Variants in DMXL1 observed in about 807,000 individuals in gnomAD.
DMXL1 encodes the protein dmX-like protein 1.
Under a neutral mutation model 319.2 loss-of-function variants are expected in DMXL1, and 99 were observed. The ratio of observed to expected loss-of-function variants is 0.31; its 90% CI spans 0.26 to 0.37. The LOEUF (loss-of-function observed/expected upper bound fraction) is 0.37. Among genes scored for constraint, DMXL1 ranks in the 10% least tolerant of loss-of-function variants. The pLI, the probability that DMXL1 is intolerant of heterozygous loss-of-function variation, is 1.00. For missense variants in DMXL1, 3,745 were observed against 3,595.6 expected, an observed-to-expected ratio of 1.04 and a Z score of -1.06; for synonymous variants, 1,385 against 1,235.2, an observed-to-expected ratio of 1.12 and a Z score of -2.54.
chr5:119,112,885 G>A (rs1397717300), intron 5 of DMXL1, among the ~76,000 whole-genome samples: 1 of 150,632 alleles, frequency 6.6e-6, no homozygotes, highest in Non-Finnish European at 1.5e-5. Flanking sequence ...TGAACCCGGT[G>A]GTGGAGGTTA....
intron 1 of DMXL1, among the ~76,000 whole-genome samples, chr5:119,090,828 G>A (rs1054903183): frequency 2.6e-5 from 4 of 151,886 alleles, no homozygotes; most frequent in African/African-American, 9.7e-5. Context: ...GCCTCCCAAA[G>A]TGCTGGGATT....
intron 4 of DMXL1, among the ~76,000 whole-genome samples, chr5:119,107,893 A>G (rs1758707837): frequency 6.6e-6 from 1 of 152,170 alleles, no homozygotes. Flanking sequence ...CATATTATAT[A>G]GCTAATCCTT....
chr5:119,186,928 G>A (rs1392585055), intron 28 of DMXL1, among the ~76,000 whole-genome samples: 1 of 151,952 alleles, frequency 6.6e-6, no homozygotes, highest in South Asian at 2.1e-4. Context: ...CCTGTCGTGG[G>A]GTGGGGGGAT....
chr5:119,132,997 A>G (rs1580916697), intron 10 of DMXL1, 135 bp from the exon 11 acceptor site: 1 of 816,512 alleles, frequency 1.2e-6, no homozygotes. Context: ...GGTGTGGCGG[A>G]AGGGGTACAG....
At chr5:119,175,039 T>G (rs1775527542) in intron 25 of DMXL1, among the ~76,000 whole-genome samples, 1 of 152,212 alleles carries the variant, frequency 6.6e-6, no homozygotes, top group Non-Finnish European at 1.5e-5. Context: ...AATGTGTGTT[T>G]TATAATTTCT....
At chr5:119,112,730 G>T (rs1759923838) in intron 5 of DMXL1, among the ~76,000 whole-genome samples, 1 of 152,188 alleles carries the variant, frequency 6.6e-6, no homozygotes, top group Non-Finnish European at 1.5e-5. Context: ...GCCGAGGTGG[G>T]TGGATCACCT....
rs1009902865 is a variant in DMXL1 at position 119,205,635 on chromosome 5, A to T, written c.7864-1199A>T. ...GACACAATTAATGGTAGTTATTAAA[A>T]GTTTGTTGTTATTGCTTTGTTGTTT... is the stretch of plus-strand genomic sequence containing the variant. On this transcript the variant is annotated intron_variant, in intron 33 of 43. Coordinates refer to ENST00000539542, the MANE Select transcript of DMXL1 (RefSeq NM_001290321.3). Among the ~76,000 whole-genome samples, 94 of 151,992 alleles carry T rather than the reference A, an allele frequency of 6.2e-4. 7 individuals are homozygous for T. Among genetic ancestry groups the T allele is most frequent in the Non-Finnish European group, 1.5e-5 (1 of 67,912 alleles).
intron 35 of DMXL1, among the ~76,000 whole-genome samples, chr5:119,217,792 G>A (rs1244889708): frequency 6.6e-6 from 1 of 152,072 alleles, no homozygotes; most frequent in Admixed American, 6.5e-5. Flanking sequence ...TGATATACGG[G>A]GAAATTACCC....
At chr5:119,201,785 G>T (rs527512967) in intron 32 of DMXL1, among the ~76,000 whole-genome samples, 3 of 152,202 alleles carry the variant, frequency 2.0e-5, no homozygotes, top group Admixed American at 6.5e-5. Context: ...TTTCTTCCAG[G>T]TTCAGTCTTG....
chr5:119,110,977 C>T (rs938227836), intron 5 of DMXL1, among the ~76,000 whole-genome samples: 6 of 152,164 alleles, frequency 3.9e-5, no homozygotes, highest in East Asian at 1.9e-4. Context: ...TTAGTAGAGA[C>T]GGGGTTTCAC....
intron 22 of DMXL1, among the ~76,000 whole-genome samples, chr5:119,167,250 T>G (rs1773619990): frequency 6.6e-6 from 1 of 152,160 alleles, no homozygotes; most frequent in South Asian, 2.1e-4. Context: ...CCTTTTAATA[T>G]GGAGACTAAA....
chr5:119,075,092 G>C (rs1353935611), intron 1 of DMXL1, among the ~76,000 whole-genome samples: 2 of 152,194 alleles, frequency 1.3e-5, no homozygotes, highest in East Asian at 3.9e-4. Flanking sequence ...CCTAACAATA[G>C]AAAGTACTTC....
rs780451092 is a variant in DMXL1, at chr5:119,150,138, A to G, written c.4311A>G (p.Gln1437=). The change falls in exon 18 of 44, where the codon CAA becomes CAG. Residue 1437 remains glutamine, a synonymous_variant. Transcript: ENST00000539542. ...AGAGTACGTTAAGTAAATCAAACCA[A>G]TTATCTAAAGAAAGTTATGATGAGC... ...SNESTLSKSN[Q]LSKESYDELF... is the part of the protein sequence containing the mutation. 55 of 1,613,664 alleles carry G rather than the reference A, an allele frequency of 3.4e-5. No individual in the cohort carries two copies. The highest frequency in any genetic ancestry group is 1.7e-4 in the Admixed American group (10 of 59,942).
intron 19 of DMXL1, among the ~76,000 whole-genome samples, chr5:119,155,624 A>G (rs139324119): frequency 6.6e-6 from 1 of 152,256 alleles, no homozygotes; most frequent in East Asian, 1.9e-4. Context: ...GGATCGCTTA[A>G]GGCCAGGAGT....
At chr5:119,097,578 G>T (rs762545548) in intron 1 of DMXL1, among the ~76,000 whole-genome samples, 4 of 152,154 alleles carry the variant, frequency 2.6e-5, no homozygotes, top group Non-Finnish European at 5.9e-5. Context: ...CTAGCCGGGC[G>T]TGGTGGTGGG....
chr5:119,178,613 G>A, intron 28 of DMXL1: 7 of 985,336 alleles, frequency 7.1e-6, no homozygotes, highest in Non-Finnish European at 8.4e-6. Flanking sequence ...CCAGGTAGTG[G>A]TATTCTCCAT....
chr5:119,167,837 A>G lies in DMXL1; in HGVS notation c.5371A>G (p.Ile1791Val), dbSNP rs1035298239. Residue 1791 changes from isoleucine (I) to valine (V), a missense_variant, in exon 23 of 44, where the codon ATA becomes GTA. Ile to Val is a conservative substitution (Grantham distance 29). This residue lies in a region of DMXL1 where 1,382 missense variants were observed against 1,269.5 expected (regional missense o/e 1.09). Transcript: ENST00000539542. ...TTATAGTGGTGCTCTGGAAACATTA[A>G]TAAAGCAACCTATCAGAGAGAATGA... is the stretch of plus-strand genomic sequence containing the variant. ...EDYSGALETL[I>V]KQPIRENDDQ... The G allele has an allele frequency of 6.8e-6, 11 of 1,612,804 alleles. No homozygotes were observed. The African/African-American group carries it at 1.1e-4, about 16-fold the overall frequency.
At chr5:119,101,611 A>G (rs1757294968) in intron 2 of DMXL1, among the ~76,000 whole-genome samples, 4 of 152,236 alleles carry the variant, frequency 2.6e-5, no homozygotes, top group Admixed American at 2.6e-4. Flanking sequence ...TACTGTGCAT[A>G]TTGTATGTCA....
At chr5:119,098,454 T>G (rs1756485605) in intron 2 of DMXL1, among the ~76,000 whole-genome samples, 1 of 152,124 alleles carries the variant, frequency 6.6e-6, no homozygotes, top group Non-Finnish European at 1.5e-5. Context: ...AGAATATTTT[T>G]TTTTTTTTGT....
Sources: gnomAD v4.1 joint callset for allele counts (sites outside exome capture counted in the v4.1 genomes callset) on GRCh38, gnomAD v4.1.1 for gene constraint, gnomAD v4.1.1 regional missense constraint, MANE v1.5 for transcripts, NCBI Gene and HGNC (gene_info 2026-07-23, HGNC 2026-07-21) for gene names.